TRHDE: variants seen among roughly 807,000 people sequenced by gnomAD.
TRHDE encodes the protein thyrotropin-releasing hormone-degrading ectoenzyme.
A neutral mutation model predicts 125.7 loss-of-function variants in TRHDE; 72 were observed. The ratio of observed to expected loss-of-function variants is 0.57; its 90% CI spans 0.47 to 0.70. The LOEUF (loss-of-function observed/expected upper bound fraction) is 0.70. Ranked by LOEUF, TRHDE falls within the 30% of genes least tolerant of loss-of-function variation. The pLI, the probability that TRHDE is intolerant of heterozygous loss-of-function variation, is 0.00. For synonymous variants in TRHDE, 509 were observed against 509.1 expected, an observed-to-expected ratio of 1.00 and a Z score of 0.00; for missense variants, 1,110 against 1,327.1, an observed-to-expected ratio of 0.84 and a Z score of 2.54.
At chr12:72,582,101 CA>C (rs35550066) in intron 12 of TRHDE, 2,342 of 59,484 alleles carry the variant, frequency 0.039, no homozygotes, top group Middle Eastern at 0.061. Flanking sequence ...GACTCCGTCT[CA>C]AAAAAAAAAA....
chr12:72,087,841 G>A (rs1325980670), intron 1 of TRHDE, among the ~76,000 whole-genome samples: 5 of 152,096 alleles, frequency 3.3e-5, no homozygotes, highest in African/African-American at 1.2e-4. Flanking sequence ...GTAGCAATCT[G>A]GGCCGTTGTG....
intron 5 of TRHDE, among the ~76,000 whole-genome samples, chr12:72,496,161 C>T (rs746342031): frequency 1.3e-5 from 2 of 152,174 alleles, no homozygotes; most frequent in African/African-American, 4.8e-5. Context: ...TTTCAACACG[C>T]ATGTGTACAC....
At chr12:72,588,685 G>T (rs745961970) in intron 12 of TRHDE, among the ~76,000 whole-genome samples, 3 of 152,134 alleles carry the variant, frequency 2.0e-5, no homozygotes, top group African/African-American at 2.4e-5. Context: ...AGTTAGAAAG[G>T]TCATGAGGAC....
At chr12:72,283,690 T>C (rs1325839151) in intron 1 of TRHDE, among the ~76,000 whole-genome samples, 1 of 152,112 alleles carries the variant, frequency 6.6e-6, no homozygotes, top group African/African-American at 2.4e-5. Flanking sequence ...CATAAATATT[T>C]GTTTAATCAA....
intron 2 of TRHDE, among the ~76,000 whole-genome samples, chr12:72,219,594 A>G (rs1183699980): frequency 3.3e-5 from 5 of 152,132 alleles, no homozygotes; most frequent in Admixed American, 6.6e-5. Context: ...TGACAGGCCT[A>G]TTGCTAAAAG....
At chr12:72,595,470 T>C (rs931309858) in intron 12 of TRHDE, among the ~76,000 whole-genome samples, 2 of 152,066 alleles carry the variant, frequency 1.3e-5, no homozygotes, top group African/African-American at 4.8e-5. Flanking sequence ...TCAAGCAGAA[T>C]ATGAGTGTTT....
upstream of TRHDE, among the ~76,000 whole-genome samples, chr12:72,268,169 A>G (rs1330084692): frequency 6.6e-6 from 1 of 152,040 alleles, no homozygotes; most frequent in African/African-American, 2.4e-5. Flanking sequence ...CTTTTTTCAT[A>G]TTGGTCTCCA....
intron 3 of TRHDE, among the ~76,000 whole-genome samples, chr12:72,409,272 A>T (rs1252983110): frequency 6.6e-6 from 1 of 152,234 alleles, no homozygotes; most frequent in Non-Finnish European, 1.5e-5. Flanking sequence ...AGGGAATTGC[A>T]TACCCAGGGA....
intron 5 of TRHDE, among the ~76,000 whole-genome samples, chr12:72,495,878 A>T (rs565998444): frequency 5.9e-5 from 9 of 152,168 alleles, no homozygotes; most frequent in Admixed American, 3.3e-4. Flanking sequence ...ATTCAAATGC[A>T]ATATATTTTT....
At chr12:72,553,633 T>C (rs1057279867) in intron 7 of TRHDE, among the ~76,000 whole-genome samples, 1 of 151,968 alleles carries the variant, frequency 6.6e-6, no homozygotes, top group Non-Finnish European at 1.5e-5. Flanking sequence ...CCAAAACCCA[T>C]TACTTTCCTG....
chr12:72,570,197 G>A (rs1870651132), intron 10 of TRHDE, among the ~76,000 whole-genome samples: 1 of 152,154 alleles, frequency 6.6e-6, no homozygotes, highest in South Asian at 2.1e-4. Flanking sequence ...TAATTCTGGT[G>A]GATACCTTTC....
intron 2 of TRHDE, among the ~76,000 whole-genome samples, chr12:72,324,581 G>A (rs373911900): frequency 6.6e-6 from 1 of 152,086 alleles, no homozygotes; most frequent in African/African-American, 2.4e-5. Flanking sequence ...CGAGAGTTAG[G>A]CAGGGAAGTT....
At chr12:72,582,421 T>C in intron 12 of TRHDE, 2 of 985,432 alleles carry the variant, frequency 2.0e-6, no homozygotes, top group Middle Eastern at 5.2e-4. Flanking sequence ...ACTGTGGAAG[T>C]AATTTGCTCC....
At chr12:72,552,662 G>C (rs532963919) in intron 7 of TRHDE, among the ~76,000 whole-genome samples, 5 of 152,256 alleles carry the variant, frequency 3.3e-5, no homozygotes, top group African/African-American at 1.2e-4. Flanking sequence ...ACTGTAAACT[G>C]TTCCTTTTGG....
At chr12:72,229,560 A>C (rs1017687943) in intron 2 of TRHDE, among the ~76,000 whole-genome samples, 1 of 152,234 alleles carries the variant, frequency 6.6e-6, no homozygotes, top group African/African-American at 2.4e-5. Context: ...GGGCTGATAC[A>C]GAACAGATCA....
chr12:72,567,949 G>A (rs1326888914), intron 9 of TRHDE, among the ~76,000 whole-genome samples: 1 of 152,032 alleles, frequency 6.6e-6, no homozygotes, highest in African/African-American at 2.4e-5. Flanking sequence ...CACGTTGGTG[G>A]ATGCTTTGAC....
At chr12:72,298,838 A>C (rs1406046622) in intron 2 of TRHDE, among the ~76,000 whole-genome samples, 1 of 152,186 alleles carries the variant, frequency 6.6e-6, no homozygotes, top group Non-Finnish European at 1.5e-5. Flanking sequence ...CCTGACCAGG[A>C]TCTGTTTTCC....
At chr12:72,457,928 A>C (rs1320174470) in intron 3 of TRHDE, among the ~76,000 whole-genome samples, 5 of 152,216 alleles carry the variant, frequency 3.3e-5, no homozygotes, top group African/African-American at 4.8e-5. Context: ...GGAAATGTGA[A>C]TCTGTCAATT....
In TRHDE at chr12:72,484,180, G is replaced by A. The variant is rs1428665814; in HGVS notation, c.1584+11000G>A. Among the ~76,000 whole-genome samples, 3 of 152,066 alleles carry A rather than the reference G, an allele frequency of 2.0e-5. No homozygotes were observed. In the East Asian group the frequency reaches 5.8e-4, roughly 29 times the overall value. On this transcript the variant is annotated intron_variant, in intron 5 of 18. Coordinates refer to ENST00000261180, the MANE Select transcript of TRHDE (RefSeq NM_013381.3). ...TATTAAAATGCCTTAATTCTCTCAA[G>A]TGTCTGCAAAATATTGGAGATTCCT...
Sources: gnomAD v4.1 joint callset for allele counts (sites outside exome capture counted in the v4.1 genomes callset) on GRCh38, gnomAD v4.1.1 for gene constraint, MANE v1.5 for transcripts, NCBI Gene and HGNC (gene_info 2026-07-23, HGNC 2026-07-21) for gene names.